Variants in FAM13A observed in about 807,000 individuals in gnomAD.
FAM13A encodes protein FAM13A.
Under a neutral mutation model 129.6 loss-of-function variants are expected in FAM13A, and 76 were observed. That is an observed-to-expected ratio of 0.59 (90% CI 0.49 to 0.71). FAM13A has a LOEUF of 0.71. FAM13A is among the 30% of genes least tolerant of loss of function. FAM13A has a pLI of 0.00. For synonymous variants in FAM13A, 443 were observed against 449.9 expected, an observed-to-expected ratio of 0.98 and a Z score of 0.20; for missense variants, 1,108 against 1,249.3, an observed-to-expected ratio of 0.89 and a Z score of 1.70.
chr4:88,928,083 C>A (rs1333133212), intron 5 of FAM13A, among the ~76,000 whole-genome samples: 1 of 152,108 alleles, frequency 6.6e-6, no homozygotes, highest in Non-Finnish European at 1.5e-5. Context: ...TTAATTTCTT[C>A]ATTGACCCAG....
At chr4:88,824,555 C>T (rs1578833022) in intron 7 of FAM13A, among the ~76,000 whole-genome samples, 1 of 152,048 alleles carries the variant, frequency 6.6e-6, no homozygotes, top group African/African-American at 2.4e-5. Flanking sequence ...GTTGATTTAA[C>T]CCCAAACTTA....
At chr4:88,904,501 C>G (rs1747818263) in intron 6 of FAM13A, among the ~76,000 whole-genome samples, 1 of 152,122 alleles carries the variant, frequency 6.6e-6, no homozygotes, top group Admixed American at 6.6e-5. Context: ...TTATTCTCAG[C>G]AAACTAACAC....
intron 21 of FAM13A, among the ~76,000 whole-genome samples, chr4:88,734,604 G>A (rs1053173621): frequency 1.3e-5 from 2 of 152,184 alleles, no homozygotes; most frequent in African/African-American, 2.4e-5. Context: ...CATGAGCAGT[G>A]GTTCTCAATC....
At chr4:89,035,013 A>G (rs1708660) in intron 1 of FAM13A, among the ~76,000 whole-genome samples, 91,367 of 152,130 alleles carry the variant, frequency 0.6, 28,111 homozygotes, top group Middle Eastern at 0.69. Flanking sequence ...TAAAGAAAAT[A>G]TGGTACACAT....
intron 1 of FAM13A, among the ~76,000 whole-genome samples, chr4:89,046,011 C>T (rs376482065): frequency 1.7e-4 from 22 of 129,806 alleles, no homozygotes; most frequent in African/African-American, 6.1e-4. Context: ...GCAACAAGAG[C>T]GAAACTCCAT....
chr4:88,851,149 G>A lies in FAM13A; in HGVS notation c.878C>T (p.Ala293Val). The stretch of plus-strand genomic sequence containing the variant: ...TAGCTCTGGTTGCAGTACTCTGTGG[G>A]CCTGAATAGATCCCTCACTCCTGGA... Reference protein sequence around the residue: ...PKSRSEGSIQAHRVLQPELSD... With the variant: ...PKSRSEGSIQVHRVLQPELSD... The change falls in exon 7 of 24, where the codon GCC becomes GTC. Residue 293 changes from alanine (A) to valine (V), a missense_variant. This residue lies in a region of FAM13A where 566 missense variants were observed against 595.7 expected (regional missense o/e 0.95). Coordinates refer to ENST00000264344, the MANE Select transcript of FAM13A (RefSeq NM_014883.4). 1.2e-6 allele frequency: 2 copies of A among 1,612,620 alleles called. No individual in the cohort carries two copies. The highest frequency in any genetic ancestry group is 1.7e-6 in the Non-Finnish European group (2 of 1,179,284).
intron 6 of FAM13A, chr4:88,855,815 A>C (rs1401774732): frequency 6.6e-6 from 1 of 152,224 alleles, no homozygotes; most frequent in Non-Finnish European, 1.5e-5. Context: ...TAATTTTTAT[A>C]CATTGCCATC....
chr4:88,752,751 G>C (rs769298939), intron 14 of FAM13A, among the ~76,000 whole-genome samples: 3 of 152,148 alleles, frequency 2.0e-5, no homozygotes, highest in African/African-American at 7.2e-5. Flanking sequence ...GGGGGGACTG[G>C]AAAGCAACCA....
intron 6 of FAM13A, among the ~76,000 whole-genome samples, chr4:88,890,717 G>C (rs937027542): frequency 1.3e-5 from 2 of 151,974 alleles, no homozygotes; most frequent in Non-Finnish European, 2.9e-5. Context: ...AATAAAAGCT[G>C]GTTCTCTGAA....
chr4:89,052,681 T>C (rs1476352994), intron 1 of FAM13A, among the ~76,000 whole-genome samples: 1 of 152,082 alleles, frequency 6.6e-6, no homozygotes, highest in Non-Finnish European at 1.5e-5. Context: ...AATTTCCTTA[T>C]AAAACAATGG....
chr4:88,986,001 AAAAG>A (rs1195936225), intron 4 of FAM13A, among the ~76,000 whole-genome samples: 1 of 152,236 alleles, frequency 6.6e-6, no homozygotes, highest in Non-Finnish European at 1.5e-5. Flanking sequence ...TATTTTTACC[AAAAG>A]AAACATTGAA....
rs935890588 is a variant in FAM13A, at chr4:88,951,580, T to C, written c.606-13339A>G. On this transcript the variant is annotated intron_variant, in intron 4 of 23. Transcript: ENST00000264344. Reference sequence around the variant, plus strand: ...ATGACTCAAGTAACTTTTAGTTTTATTTTTCATTATTTTCTCCCCTGCACT... The same window carrying C: ...ATGACTCAAGTAACTTTTAGTTTTACTTTTCATTATTTTCTCCCCTGCACT... 4.6e-5 allele frequency among the ~76,000 whole-genome samples: 7 copies of C among 152,184 alleles called. No homozygotes were observed. The South Asian group carries it at 1.2e-3, about 27-fold the overall frequency.
intron 1 of FAM13A, among the ~76,000 whole-genome samples, chr4:89,056,563 T>C (rs563332767): frequency 1.3e-5 from 2 of 152,258 alleles, no homozygotes; most frequent in Admixed American, 1.3e-4. Context: ...AAATTAATGG[T>C]TACTTCAATT....
At chr4:89,016,188 T>TA (rs36022028) in intron 3 of FAM13A, among the ~76,000 whole-genome samples, 4,086 of 120,516 alleles carry the variant, frequency 0.034, 254 homozygotes, top group East Asian at 0.21. Context: ...TGCCTTAGTT[T>TA]AAAAAAAAAA....
At chr4:88,896,873 CAT>C (rs1176983694) in intron 6 of FAM13A, among the ~76,000 whole-genome samples, 1 of 152,110 alleles carries the variant, frequency 6.6e-6, no homozygotes, top group Non-Finnish European at 1.5e-5. Flanking sequence ...GGAAATAGAT[CAT>C]TGTTTATTTT....
In FAM13A at chr4:88,850,437, G is replaced by A. The variant is rs187890676; in HGVS notation, c.1007+583C>T. Among the ~76,000 whole-genome samples the A allele has an allele frequency of 1.7e-4, 26 of 152,208 alleles. 2 individuals are homozygous for A. The highest frequency in any genetic ancestry group is 5.3e-4 in the African/African-American group (22 of 41,520). Reference sequence around the variant, plus strand: ...CCGGGCATGGTGGCACACACCTGTAGTCTTAGCTACTTGGGAGGCTGAGGC... The same window carrying A: ...CCGGGCATGGTGGCACACACCTGTAATCTTAGCTACTTGGGAGGCTGAGGC... On this transcript the variant is annotated intron_variant, in intron 7 of 23. Coordinates refer to ENST00000264344, the MANE Select transcript of FAM13A (RefSeq NM_014883.4).
chr4:88,794,045 C>G (rs1725695213), intron 8 of FAM13A, among the ~76,000 whole-genome samples: 3 of 151,986 alleles, frequency 2.0e-5, no homozygotes, highest in Admixed American at 2.0e-4. Context: ...CCTTCTTCAT[C>G]TGTATGTAGC....
At chr4:89,010,904 A>C (rs771292548) in intron 3 of FAM13A, among the ~76,000 whole-genome samples, 62 of 152,002 alleles carry the variant, frequency 4.1e-4, no homozygotes, top group Middle Eastern at 3.4e-3. Flanking sequence ...GCTGGAGTGC[A>C]GTGGTGCGAT....
At chr4:88,943,301 T>C (rs1579402109) in intron 4 of FAM13A, among the ~76,000 whole-genome samples, 1 of 152,226 alleles carries the variant, frequency 6.6e-6, no homozygotes, top group South Asian at 2.1e-4. Context: ...TTATCTGAGA[T>C]GTTAAATTAT....
Sources: allele counts gnomAD v4.1 joint callset (sites outside exome capture counted in the v4.1 genomes callset), GRCh38; gene constraint gnomAD v4.1.1; regional missense constraint gnomAD v4.1.1; transcripts MANE v1.5; gene names NCBI Gene and HGNC (gene_info 2026-07-23, HGNC 2026-07-21).